Variants in MBD3L1 observed in about 807,000 individuals in gnomAD.
MBD3L1 encodes methyl-CpG binding domain protein 3 like 1.
For synonymous variants in MBD3L1, 84 were observed against 85.1 expected (o/e 0.99, Z 0.07); for missense variants, 203 against 230.1 (o/e 0.88, Z 0.76).
At chr19:8,842,586 G>T (rs2044524329) in intron 2 of MBD3L1, 72 bp from the exon 3 acceptor site, 2 of 1,115,686 alleles carry the variant, frequency 1.8e-6, no homozygotes, top group South Asian at 3.1e-5. Flanking sequence ...GTCCAGAACA[G>T]CTGAGATCCT....
At chr19:8,840,596 T>A (rs1258918814) in intron 1 of MBD3L1, among the ~76,000 whole-genome samples, 1 of 152,154 alleles carries the variant, frequency 6.6e-6, no homozygotes, top group Non-Finnish European at 1.5e-5. Context: ...TGAGCCACCA[T>A]GCCTGGCAGG....
intron 1 of MBD3L1, among the ~76,000 whole-genome samples, chr19:8,839,185 C>CTTTTTTTTTTTTTTTTTTTTT (rs57499698): frequency 7.4e-5 from 9 of 122,128 alleles, no homozygotes; most frequent in African/African-American, 9.7e-5. Context: ...CTTTTCTTTT[C>CTTTTTTTTTTTTTTTTTTTTT]TTTTTTTTTT....
At chr19:8,832,622 G>C (rs890830771) in intron 1 of MBD3L1, 100 bp downstream of exon 1, 1 of 152,614 alleles carries the variant, frequency 6.6e-6, no homozygotes, top group African/African-American at 2.4e-5. Flanking sequence ...GGGGCTGAAG[G>C]CGGGGAACCG....
intron 1 of MBD3L1, among the ~76,000 whole-genome samples, chr19:8,839,019 T>C (rs990701878): frequency 1.3e-5 from 2 of 152,172 alleles, no homozygotes; most frequent in African/African-American, 4.8e-5. Context: ...TGGTTACTTA[T>C]CTTATTAGGA....
rs529448277 is a variant in MBD3L1, at chr19:8,832,723, C to G, written c.-107+201C>G. ...TGTGGGTGGGGCCCAGTTCTCGGGG[C>G]GGATGGTATAAGGCTTCTAGAGCGG... On this transcript the variant is annotated intron_variant, in intron 1 of 2. Coordinates refer to ENST00000595891, the MANE Select transcript of MBD3L1 (RefSeq NM_001393532.1). Among the ~76,000 whole-genome samples the G allele has an allele frequency of 9.6e-4, 145 of 151,234 alleles. 1 individual carries two copies. Among genetic ancestry groups the G allele is most frequent in the African/African-American group, 3.1e-3 (129 of 41,108 alleles).
chr19:8,838,750 T>C (rs1025326932), intron 1 of MBD3L1, among the ~76,000 whole-genome samples: 2 of 152,052 alleles, frequency 1.3e-5, no homozygotes, highest in Non-Finnish European at 2.9e-5. Flanking sequence ...AGAGAAGATA[T>C]GAAGATAGGT....
At chr19:8,832,728 G>A (rs1479119739) in intron 1 of MBD3L1, among the ~76,000 whole-genome samples, 1 of 151,868 alleles carries the variant, frequency 6.6e-6, no homozygotes, top group Non-Finnish European at 1.5e-5. Flanking sequence ...CGGGGCGGAT[G>A]GTATAAGGCT....
intron 1 of MBD3L1, among the ~76,000 whole-genome samples, chr19:8,839,624 ATC>A (rs1404017698): frequency 9.2e-5 from 14 of 152,124 alleles, no homozygotes; most frequent in Admixed American, 8.5e-4. Flanking sequence ...TTCCTTTGGG[ATC>A]TAACAACAAA....
intron 1 of MBD3L1, among the ~76,000 whole-genome samples, chr19:8,834,610 AAAAAAACAAACCAAAACCAAAAAAAAAC>A (rs888908850): frequency 6.6e-6 from 1 of 151,546 alleles, no homozygotes; most frequent in African/African-American, 2.4e-5. Flanking sequence ...CCATCAAAAA[AAAAAAACAAACCAAAACCAAAAAAAAAC>A]AAAAAAAAAA....
chr19:8,832,811 G>A (rs951766402), intron 1 of MBD3L1, among the ~76,000 whole-genome samples: 1 of 152,138 alleles, frequency 6.6e-6, no homozygotes, highest in East Asian at 1.9e-4. Flanking sequence ...GGGGCTGAGC[G>A]GGAACCAGGC....
At chr19:8,837,187 CA>C (rs1277548892) in intron 1 of MBD3L1, among the ~76,000 whole-genome samples, 2 of 152,230 alleles carry the variant, frequency 1.3e-5, no homozygotes, top group African/African-American at 4.8e-5. Context: ...AACATATACC[CA>C]AAGCTGTACG....
chr19:8,836,734 C>T (rs879425955), intron 1 of MBD3L1, among the ~76,000 whole-genome samples: 6 of 152,168 alleles, frequency 3.9e-5, no homozygotes, highest in Non-Finnish European at 7.3e-5. Flanking sequence ...GCAAGCAATC[C>T]CTTTGCCTTG....
intron 1 of MBD3L1, among the ~76,000 whole-genome samples, chr19:8,834,732 G>A (rs1453526747): frequency 2.0e-5 from 3 of 149,730 alleles, no homozygotes; most frequent in Admixed American, 6.6e-5. Context: ...GCTCAAAATA[G>A]ATCATAGACC....
chr19:8,843,281 G>T lies in MBD3L1; in HGVS notation c.*18G>T. 6.6e-7 allele frequency: 1 copy of T among 1,511,544 alleles called. No individual in the cohort carries two copies. Among genetic ancestry groups the T allele is most frequent in the Non-Finnish European group, 8.9e-7 (1 of 1,127,672 alleles). The allele number at this position is 1,511,544 out of a possible 1,614,324, so 93.6% of individuals were successfully genotyped here. A position where few individuals can be genotyped will look rare whatever the true frequency, so the allele number is the denominator to read the frequency against. On this transcript the variant is annotated 3_prime_UTR_variant, in exon 3 of 3. Transcript: ENST00000595891. Reference sequence around the variant, plus strand: ...AACGCTAAGAAAAAAAGGGAAGATAGTGCAGATGAAATAAAGTGTAATCCT... The same window carrying T: ...AACGCTAAGAAAAAAAGGGAAGATATTGCAGATGAAATAAAGTGTAATCCT...
At chr19:8,833,310 A>G (rs1166518738) in intron 1 of MBD3L1, 4 of 152,364 alleles carry the variant, frequency 2.6e-5, no homozygotes, top group South Asian at 2.1e-4. Flanking sequence ...ATTTAACACT[A>G]AGAGTTTAGG....
At chr19:8,832,566 A>C (rs11666419) in intron 1 of MBD3L1, 44 bp downstream of exon 1, 26,141 of 150,312 alleles carry the variant, frequency 0.17, 2,789 homozygotes, top group East Asian at 0.27. Flanking sequence ...GAGCCGCACG[A>C]GGCCTGGGGG....
intron 2 of MBD3L1, among the ~76,000 whole-genome samples, chr19:8,841,683 A>T (rs1270221605): frequency 2.2e-4 from 34 of 151,900 alleles, no homozygotes; most frequent in Non-Finnish European, 1.5e-5. Context: ...CAGCCTCCCG[A>T]GTAGCTGGGA....
At chr19:8,832,990 CG>C (rs1457721109) in intron 1 of MBD3L1, 1 of 110,474 alleles carries the variant, frequency 9.1e-6, no homozygotes, top group East Asian at 2.6e-4. Context: ...AGCCTGGGGG[CG>C]GGGCTGACTG....
In MBD3L1 at chr19:8,840,910, A is replaced by G. The variant is rs1473285611; in HGVS notation, c.-106-5A>G. On this transcript the variant is annotated splice_region_variant and splice_polypyrimidine_tract_variant and intron_variant, in intron 1 of 2. Coordinates refer to ENST00000595891, the MANE Select transcript of MBD3L1 (RefSeq NM_001393532.1). ...CGTCATGTCACGTGATTCTTTTTTC[A>G]GCAGTGATCATATGACGGTGGTAGC... 2 of 152,114 alleles carry G rather than the reference A, an allele frequency of 1.3e-5. No homozygotes were observed. Among genetic ancestry groups the G allele is most frequent in the South Asian group, 2.1e-4 (1 of 4,812 alleles). 9.4% of individuals were successfully genotyped at this position (152,114 alleles called of 1,614,324 possible).
Sources: allele counts gnomAD v4.1 joint callset (sites outside exome capture counted in the v4.1 genomes callset), GRCh38; gene constraint gnomAD v4.1.1; transcripts MANE v1.5; gene names NCBI Gene and HGNC (gene_info 2026-07-23, HGNC 2026-07-21).